The following EYS variants were observed in gnomAD, a reference collection of about 807,000 sequenced individuals.
The protein encoded by EYS is EGF-like photoreceptor maintenance factor, also known as protein eyes shut homolog.
In EYS, 250 loss-of-function variants were observed where a neutral mutation model predicts 282.1. That is an observed-to-expected ratio of 0.89 (90% CI 0.80 to 0.98). The LOEUF (loss-of-function observed/expected upper bound fraction) is 0.98, where lower values mean the gene tolerates loss of function less well. Among genes scored for constraint, EYS ranks in the 50% least tolerant of loss-of-function variants. The probability of loss-of-function intolerance (pLI) is 0.00; values close to 1 mark genes in which losing one functional copy is unlikely to be tolerated. For synonymous variants in EYS, 1,355 were observed against 1,282.9 expected (o/e 1.06, Z -1.20); for missense variants, 4,016 against 3,709.0 (o/e 1.08, Z -2.15).
At chr6:65,282,139 T>G (rs554439773) in intron 12 of EYS, among the ~76,000 whole-genome samples, 1 of 151,738 alleles carries the variant, frequency 6.6e-6, no homozygotes, top group Admixed American at 6.6e-5. Flanking sequence ...GGGAAAAAAA[T>G]ATATATATAG....
intron 13 of EYS, among the ~76,000 whole-genome samples, chr6:65,020,011 T>C (rs1453227074): frequency 6.6e-6 from 1 of 152,004 alleles, no homozygotes; most frequent in Non-Finnish European, 1.5e-5. Flanking sequence ...CCCACCCCCA[T>C]GATTCAATTA....
Position 64,590,791 on chromosome 6 carries a change from C to T in EYS, c.5076G>A (p.Leu1692=). ...DLTSKMTTDE[L]SVSENILKLL... is the part of the protein sequence containing the mutation. ...GTTTTAAAATGTTTTCTGATACTGA[C>T]AGTTCATCAGTAGTCATTTTTGAAG... The change falls in exon 26 of 43, where the codon CTG becomes CTA. Residue 1692 remains leucine, a synonymous_variant. Coordinates refer to ENST00000503581, the MANE Select transcript of EYS (RefSeq NM_001142800.2). The T allele has an allele frequency of 1.3e-6, 2 of 1,547,834 alleles. No individual in the cohort carries two copies. The highest frequency in any genetic ancestry group is 1.7e-6 in the Non-Finnish European group (2 of 1,143,892).
At chr6:65,400,468 C>T (rs1766450381) in intron 7 of EYS, among the ~76,000 whole-genome samples, 1 of 151,822 alleles carries the variant, frequency 6.6e-6, no homozygotes, top group Non-Finnish European at 1.5e-5. Context: ...CCAGCATTGC[C>T]ACTTTTGATA....
intron 5 of EYS, among the ~76,000 whole-genome samples, chr6:65,441,533 G>T (rs1413461268): frequency 6.6e-6 from 1 of 151,992 alleles, no homozygotes; most frequent in Non-Finnish European, 1.5e-5. Flanking sequence ...TCTTTCAGCT[G>T]TTCTATGTGT....
At chr6:65,546,826 C>T (rs954498897) in intron 2 of EYS, among the ~76,000 whole-genome samples, 10 of 152,110 alleles carry the variant, frequency 6.6e-5, no homozygotes, top group African/African-American at 2.2e-4. Flanking sequence ...CCACATTGAC[C>T]TCCCAAAGTG....
chr6:65,671,772 C>T (rs1468351515), intron 1 of EYS, among the ~76,000 whole-genome samples: 1 of 152,078 alleles, frequency 6.6e-6, no homozygotes, highest in Admixed American at 6.6e-5. Context: ...GCCCTTAGCT[C>T]AGAAATGTGC....
intron 14 of EYS, among the ~76,000 whole-genome samples, chr6:64,969,535 T>A (rs1408800946): frequency 6.6e-6 from 1 of 152,244 alleles, no homozygotes; most frequent in Non-Finnish European, 1.5e-5. Context: ...GCCACAGATC[T>A]GTAAAAAATG....
At chr6:64,393,612 G>A (rs1297208613) in intron 28 of EYS, among the ~76,000 whole-genome samples, 1 of 151,966 alleles carries the variant, frequency 6.6e-6, no homozygotes, top group African/African-American at 2.4e-5. Context: ...CAATAAATTA[G>A]GTATTGATGG....
intron 22 of EYS, among the ~76,000 whole-genome samples, chr6:64,748,022 G>C (rs755079993): frequency 6.6e-5 from 10 of 152,066 alleles, no homozygotes; most frequent in African/African-American, 9.7e-5. Flanking sequence ...TACCAACCAA[G>C]GTAGTCCCAA....
chr6:64,343,267 C>T (rs1376453568), intron 29 of EYS, among the ~76,000 whole-genome samples: 2 of 151,770 alleles, frequency 1.3e-5, no homozygotes, highest in Non-Finnish European at 2.9e-5. Context: ...TTTTTCAGCA[C>T]CACACCACAC....
At chr6:64,708,121 T>A (rs766366986) in intron 22 of EYS, among the ~76,000 whole-genome samples, 10 of 152,188 alleles carry the variant, frequency 6.6e-5, no homozygotes, top group Non-Finnish European at 1.2e-4. Flanking sequence ...CAAGTGTAAG[T>A]ATAAGATGTG....
intron 26 of EYS, among the ~76,000 whole-genome samples, chr6:64,445,326 T>C (rs13217268): frequency 0.28 from 42,138 of 152,002 alleles, 5,978 homozygotes; most frequent in East Asian, 0.46. Flanking sequence ...TTTTCAGTAA[T>C]AATGGGCTAA....
At chr6:65,061,525 T>C (rs9363330) in intron 12 of EYS, among the ~76,000 whole-genome samples, 5 of 151,866 alleles carry the variant, frequency 3.3e-5, no homozygotes, top group Admixed American at 6.6e-5. Flanking sequence ...TGACAACTGA[T>C]GAACGTACAT....
At chr6:63,894,327 A>G (rs1773479243) in intron 35 of EYS, among the ~76,000 whole-genome samples, 1 of 152,134 alleles carries the variant, frequency 6.6e-6, no homozygotes, top group Non-Finnish European at 1.5e-5. Context: ...TATCCTTATA[A>G]GAAGAGGGAA....
chr6:63,777,833 C>A, intron 40 of EYS, 173 bp downstream of exon 40: 1 of 612,852 alleles, frequency 1.6e-6, no homozygotes. Flanking sequence ...TGTGCTGATC[C>A]TATTTTTAGT....
At chr6:64,773,077 C>G (rs1232814835) in intron 22 of EYS, among the ~76,000 whole-genome samples, 1 of 151,744 alleles carries the variant, frequency 6.6e-6, no homozygotes, top group Non-Finnish European at 1.5e-5. Context: ...TATTTCTTCA[C>G]CCACGTTTTC....
intron 9 of EYS, among the ~76,000 whole-genome samples, chr6:65,344,552 A>AGTGACCTATATTCAAGAGAAT (rs1367711162): frequency 1.3e-5 from 2 of 151,686 alleles, no homozygotes; most frequent in Non-Finnish European, 3.0e-5. Context: ...AGAAGAAAGA[A>AGTGACCTATATTCAAGAGAAT]GTGACCTATA....
At chr6:64,942,839 A>C (rs1292141122) in intron 15 of EYS, among the ~76,000 whole-genome samples, 8 of 148,158 alleles carry the variant, frequency 5.4e-5, no homozygotes, top group South Asian at 2.2e-4. Context: ...AAAAAAAAAA[A>C]AAAACAAAAA....
intron 13 of EYS, among the ~76,000 whole-genome samples, chr6:65,038,300 AT>A (rs992477980): frequency 6.6e-6 from 1 of 151,530 alleles, no homozygotes; most frequent in East Asian, 1.9e-4. Context: ...TGGGGTAACA[AT>A]TTTTTTAATG....
Sources: allele counts gnomAD v4.1 joint callset (sites outside exome capture counted in the v4.1 genomes callset), GRCh38; gene constraint gnomAD v4.1.1; transcripts MANE v1.5; gene names NCBI Gene and HGNC (gene_info 2026-07-23, HGNC 2026-07-21).